The following CTPS2 variants were observed in gnomAD, a reference collection of about 807,000 sequenced individuals.
CTPS2 encodes the protein CTP synthase II.
CTPS2 carries 19 observed loss-of-function variants against 46.8 expected under a neutral mutation model. The ratio of observed to expected loss-of-function variants is 0.41; its 90% confidence interval spans 0.28 to 0.60. CTPS2 has a LOEUF of 0.60. CTPS2 is among the 20% of genes least tolerant of loss of function. The probability of loss-of-function intolerance (pLI) is 0.35; values close to 1 mark genes in which losing one functional copy is unlikely to be tolerated. For synonymous variants in CTPS2, 151 were observed against 165.2 expected, an observed-to-expected ratio of 0.91 and a Z score of 0.66; for missense variants, 286 against 447.6, an observed-to-expected ratio of 0.64 and a Z score of 3.26.
chrX:16,626,525 T>G (rs1931160221), intron 14 of CTPS2, among the ~76,000 whole-genome samples: 2 of 111,793 alleles, frequency 1.8e-5, no homozygotes, highest in Admixed American at 1.9e-4. Flanking sequence ...TTAACACAAT[T>G]GAACTGTACA....
intron 13 of CTPS2, among the ~76,000 whole-genome samples, chrX:16,659,942 T>C (rs1282258999): frequency 8.9e-6 from 1 of 111,970 alleles, no homozygotes; most frequent in Non-Finnish European, 1.9e-5. Flanking sequence ...ATTTTCCATT[T>C]TCTTTATCTA....
chrX:16,647,789 T>C (rs1203317461), intron 13 of CTPS2, among the ~76,000 whole-genome samples: 1 of 111,500 alleles, frequency 9.0e-6, no homozygotes, highest in African/African-American at 3.3e-5. Context: ...TTTCTTCAGA[T>C]GCAAAAAATA....
At chrX:16,682,599 C>G (rs1422648686) in intron 9 of CTPS2, among the ~76,000 whole-genome samples, 2 of 112,028 alleles carry the variant, frequency 1.8e-5, no homozygotes, top group Admixed American at 1.9e-4. Flanking sequence ...TGGGAGGGTT[C>G]CCATCATTCC....
At chrX:16,695,875 G>A (rs892897942) in intron 4 of CTPS2, among the ~76,000 whole-genome samples, 15 of 110,045 alleles carry the variant, frequency 1.4e-4, no homozygotes, top group African/African-American at 4.6e-4. Flanking sequence ...TTTAAAGACA[G>A]AGTCTCGCTC....
At chrX:16,622,988 G>T (rs912343798) in intron 14 of CTPS2, among the ~76,000 whole-genome samples, 1 of 112,088 alleles carries the variant, frequency 8.9e-6, no homozygotes, top group South Asian at 3.7e-4. Flanking sequence ...AACAGAAAGC[G>T]AACCATTTCA....
At chrX:16,609,358 T>C (rs1930147767) in intron 17 of CTPS2, among the ~76,000 whole-genome samples, 183 bp downstream of exon 17, 1 of 112,220 alleles carries the variant, frequency 8.9e-6, no homozygotes, top group African/African-American at 3.2e-5. Flanking sequence ...TTTGGAAAGC[T>C]GACACATTAC....
chrX:16,708,410 G>A (rs55880193), intron 1 of CTPS2, among the ~76,000 whole-genome samples: 1,222 of 110,730 alleles, frequency 0.011, 11 homozygotes, highest in Non-Finnish European at 0.018. Context: ...TAGTCACCAG[G>A]GCACCCACCT....
At chrX:16,710,819 A>G (rs1442900820) in intron 1 of CTPS2, among the ~76,000 whole-genome samples, 1 of 112,108 alleles carries the variant, frequency 8.9e-6, no homozygotes, top group Non-Finnish European at 1.9e-5. Context: ...GGGTTTCACC[A>G]TGTTGTCCAG....
chrX:16,689,864 C>A (rs1366910233), intron 7 of CTPS2, among the ~76,000 whole-genome samples: 1 of 111,129 alleles, frequency 9.0e-6, no homozygotes, highest in Admixed American at 9.8e-5. Context: ...CCAGCCTGAC[C>A]AACATGGTGA....
intron 13 of CTPS2, among the ~76,000 whole-genome samples, chrX:16,656,258 GC>G (rs1932815350): frequency 9.0e-6 from 1 of 111,459 alleles, no homozygotes; most frequent in Non-Finnish European, 1.9e-5. Context: ...CCCCACTGCT[GC>G]CCTCCCCATC....
intron 17 of CTPS2, among the ~76,000 whole-genome samples, chrX:16,597,979 G>T (rs1341632952): frequency 1.9e-5 from 2 of 108,056 alleles, no homozygotes; most frequent in Admixed American, 1.0e-4. Flanking sequence ...GTTCACTCAT[G>T]ATTTGGCTCT....
rs780201166 is a variant in CTPS2, at chrX:16,589,003, C to G, written c.*814G>C. The G allele has an allele frequency of 7.1e-5, 8 of 111,988 alleles. No individual in the cohort carries two copies. The highest frequency in any genetic ancestry group is 6.5e-5 in the African/African-American group (2 of 30,845). 9.2% of individuals were successfully genotyped at this position (111,988 alleles called of 1,213,427 possible). A position where few individuals can be genotyped will look rare whatever the true frequency, so the allele number is the denominator to read the frequency against. ...CCAGAAATCACAGTCAAAATGCAGT[C>G]GAAACTTTGTTTCATGCACAAAATT... On this transcript the variant is annotated 3_prime_UTR_variant, in exon 19 of 19. Transcript: ENST00000359276.
intron 2 of CTPS2, among the ~76,000 whole-genome samples, chrX:16,702,044 TTTTGTTTG>T (rs201112103): frequency 1.8e-5 from 2 of 110,289 alleles, no homozygotes; most frequent in East Asian, 2.9e-4. Flanking sequence ...TTTTTGTTGT[TTTTGTTTG>T]TTTGTTTGTT....
intron 9 of CTPS2, among the ~76,000 whole-genome samples, chrX:16,681,785 G>T (rs1922766532): frequency 1.8e-5 from 2 of 111,544 alleles, no homozygotes; most frequent in South Asian, 7.5e-4. Flanking sequence ...CTGAGCTCAA[G>T]CAACCCACCT....
intron 13 of CTPS2, chrX:16,654,404 G>A (rs1413861896): frequency 8.7e-7 from 1 of 1,153,019 alleles, no homozygotes; most frequent in Non-Finnish European, 1.2e-6. Flanking sequence ...ATGTAAAACA[G>A]GGTCCAAACA....
chrX:16,685,936 C>T (rs950658766), intron 8 of CTPS2, among the ~76,000 whole-genome samples: 29 of 107,620 alleles, frequency 2.7e-4, no homozygotes, highest in African/African-American at 3.4e-4. Context: ...ACCTTGACTT[C>T]GGGTCCCAGG....
intron 13 of CTPS2, among the ~76,000 whole-genome samples, 192 bp downstream of exon 13, chrX:16,667,322 A>G (rs1022761697): frequency 9.0e-6 from 1 of 110,612 alleles, no homozygotes; most frequent in African/African-American, 3.3e-5. Flanking sequence ...TAGTAGAGAC[A>G]GGGGTTTCAC....
intron 10 of CTPS2, among the ~76,000 whole-genome samples, chrX:16,672,242 A>G (rs1232295890): frequency 9.0e-6 from 1 of 111,271 alleles, no homozygotes; most frequent in Non-Finnish European, 1.9e-5. Flanking sequence ...ACCATGGGAC[A>G]TGGGGAGCTT....
At chrX:16,694,821 T>C (rs1165242259) in intron 4 of CTPS2, among the ~76,000 whole-genome samples, 1 of 111,884 alleles carries the variant, frequency 8.9e-6, no homozygotes, top group Non-Finnish European at 1.9e-5. Context: ...AAGTGAGACC[T>C]TGCCTCCACA....
Sources: allele counts gnomAD v4.1 joint callset (sites outside exome capture counted in the v4.1 genomes callset), GRCh38; gene constraint gnomAD v4.1.1; transcripts MANE v1.5; gene names NCBI Gene and HGNC (gene_info 2026-07-23, HGNC 2026-07-21).